The following ARHGEF10 variants were observed in gnomAD, a reference collection of about 807,000 sequenced individuals.
ARHGEF10 encodes Rho guanine nucleotide exchange factor 10.
Under a neutral mutation model 147.4 loss-of-function variants are expected in ARHGEF10, and 140 were observed. The ratio of observed to expected loss-of-function variants is 0.95; its 90% CI spans 0.83 to 1.09. The LOEUF is 1.09. ARHGEF10 is among the 50% of genes least tolerant of loss of function. The pLI is 0.00. For missense variants in ARHGEF10, 2,222 were observed against 1,752.7 expected, an observed-to-expected ratio of 1.27 and a Z score of -4.78; for synonymous variants, 902 against 695.8, an observed-to-expected ratio of 1.30 and a Z score of -4.67.
chr8:1,944,297 C>T (rs1276089754), intron 26 of ARHGEF10, among the ~76,000 whole-genome samples: 1 of 152,236 alleles, frequency 6.6e-6, no homozygotes, highest in Non-Finnish European at 1.5e-5. Flanking sequence ...AGCCTGAGGA[C>T]ACAGTCCTCT....
At chr8:1,932,715 C>G (rs147654076) in intron 25 of ARHGEF10, among the ~76,000 whole-genome samples, 51 of 152,306 alleles carry the variant, frequency 3.3e-4, no homozygotes, top group African/African-American at 1.2e-3. Context: ...AAAAGTATGC[C>G]ACAGAAGTCA....
intron 28 of ARHGEF10, among the ~76,000 whole-genome samples, chr8:1,955,294 T>G: frequency 6.9e-6 from 1 of 144,346 alleles, no homozygotes. Context: ...ACTCTCACAG[T>G]TTCTCTGGAT....
chr8:1,831,957 C>A (rs76213820), intron 1 of ARHGEF10, among the ~76,000 whole-genome samples: 1 of 152,152 alleles, frequency 6.6e-6, no homozygotes, highest in African/African-American at 2.4e-5. Context: ...GAAACCAGCA[C>A]GTTGGCAGGA....
At chr8:1,860,705 C>G (rs1367627688) in intron 4 of ARHGEF10, among the ~76,000 whole-genome samples, 1 of 152,174 alleles carries the variant, frequency 6.6e-6, no homozygotes, top group East Asian at 1.9e-4. Flanking sequence ...AACTTCACCC[C>G]GATCTCTGAT....
rs201660201 is a variant in ARHGEF10 at position 1,885,681 on chromosome 8, A to T, written c.1156A>T (p.Met386Leu). The change falls in exon 11 of 29, where the codon ATG becomes TTG. Residue 386 changes from methionine to leucine, a missense_variant. Transcript: ENST00000349830. ...CKHPEAILTP[M>L]PEGLSQQQVV... The stretch of plus-strand genomic sequence containing the variant: ...GCACCCGGAAGCCATCTTGACCCCG[A>T]TGCCCGAGGGTTTATCTCAGCAGCA... The T allele has an allele frequency of 1.2e-6, 2 of 1,613,980 alleles. No individual in the cohort carries two copies. The highest frequency in any genetic ancestry group is 4.5e-5 in the East Asian group (2 of 44,880).
At position 1,840,233 on chromosome 8, in the gene ARHGEF10, G is replaced by T. The variant is rs1399443899; in HGVS notation, c.-47-3120G>T. ...GATATGGGGACTGTCTGGTGTGGAAGCTGTCTGGTGTGGGGACTGTCCGGT... is the reference window on the plus strand; with the variant it reads ...GATATGGGGACTGTCTGGTGTGGAATCTGTCTGGTGTGGGGACTGTCCGGT... On this transcript the variant is annotated intron_variant, in intron 1 of 28. Transcript: ENST00000349830. 6.1e-5 allele frequency among the ~76,000 whole-genome samples: 8 copies of T among 130,606 alleles called. No individual in the cohort carries two copies. In the South Asian group the frequency reaches 8.3e-4, roughly 14 times the overall value. The allele number at this position is 130,606 out of a possible 152,430, so 85.7% of individuals were successfully genotyped here.
intron 8 of ARHGEF10, among the ~76,000 whole-genome samples, chr8:1,877,599 G>T (rs1057310287): frequency 6.6e-6 from 1 of 151,336 alleles, no homozygotes; most frequent in African/African-American, 2.4e-5. Context: ...AGGGTGTGAG[G>T]TGGGATGTCA....
chr8:1,923,486 G>C lies in ARHGEF10; in HGVS notation c.2278G>C (p.Ala760Pro). ...TTTGTAGAACTTAAACCAGTCAGTA[G>C]CCCATGACTGGACATCAGGTTTACA... ...GNYQNLNQSV[A>P]HDWTSGLQRL... The change falls in exon 20 of 29, where the codon GCC (alanine) becomes CCC (proline). Residue 760 changes from alanine (A) to proline (P), a missense_variant. Transcript: ENST00000349830. The C allele has an allele frequency of 6.2e-7, 1 of 1,614,074 alleles. No homozygotes were observed. Among genetic ancestry groups the C allele is most frequent in the Non-Finnish European group, 8.5e-7 (1 of 1,180,020 alleles).
intron 2 of ARHGEF10, among the ~76,000 whole-genome samples, chr8:1,855,417 T>C (rs760650095): frequency 2.0e-5 from 3 of 152,210 alleles, no homozygotes; most frequent in Non-Finnish European, 4.4e-5. Flanking sequence ...GGTGTTGCTC[T>C]GTCCCCCAGG....
chr8:1,896,350 G>A lies in ARHGEF10; in HGVS notation c.1458G>A (p.Val486=). 2 of 1,613,746 alleles carry A rather than the reference G, an allele frequency of 1.2e-6. No homozygotes were observed. Among genetic ancestry groups the A allele is most frequent in the Middle Eastern group, 1.6e-4 (1 of 6,062 alleles). ...TGTTTCAGTTTTCTAAGTCCATGGT[G>A]CTGGATGCATACAGTGAATATGTGA... ...VFVASFSKSM[V]LDAYSEYVNN... The change falls in exon 14 of 29, where the codon GTG becomes GTA. Residue 486 remains valine (V), a synonymous_variant. Coordinates refer to ENST00000349830, the MANE Select transcript of ARHGEF10 (RefSeq NM_014629.4).
intron 25 of ARHGEF10, among the ~76,000 whole-genome samples, chr8:1,932,031 C>T (rs182607008): frequency 1.3e-5 from 2 of 152,300 alleles, no homozygotes; most frequent in Non-Finnish European, 2.9e-5. Context: ...TGCCAAGCCA[C>T]ACCTGACAGC....
Position 1,926,409 on chromosome 8 carries a change from C to T in ARHGEF10, c.2643C>T (p.Tyr881=). The T allele has an allele frequency of 1.2e-6, 2 of 1,614,118 alleles. No homozygotes were observed. Among genetic ancestry groups the T allele is most frequent in the Non-Finnish European group, 1.7e-6 (2 of 1,179,996 alleles). The change falls in exon 23 of 29, where the codon TAC becomes TAT. Residue 881 remains tyrosine, a synonymous_variant. Coordinates refer to ENST00000349830, the MANE Select transcript of ARHGEF10 (RefSeq NM_014629.4). The part of the protein sequence containing the change: ...IECAAYNPEP[Y]LNNESQPDSF... ...GTGCTGCTTATAACCCTGAACCTTA[C>T]CTAAATAATGAAAGCCAGCCAGATT...
intron 26 of ARHGEF10, among the ~76,000 whole-genome samples, chr8:1,940,752 G>A (rs547120144): frequency 9.2e-5 from 14 of 152,226 alleles, no homozygotes; most frequent in African/African-American, 2.9e-4. Context: ...AATCAACAGC[G>A]TACTGAAAGG....
intron 18 of ARHGEF10, among the ~76,000 whole-genome samples, chr8:1,922,084 A>G (rs1812337346): frequency 6.6e-6 from 1 of 152,182 alleles, no homozygotes; most frequent in East Asian, 1.9e-4. Context: ...AGATGGGGGA[A>G]TCTGTCCTCT....
intron 2 of ARHGEF10, among the ~76,000 whole-genome samples, chr8:1,847,800 G>C (rs1374038061): frequency 6.6e-6 from 1 of 152,188 alleles, no homozygotes; most frequent in Non-Finnish European, 1.5e-5. Flanking sequence ...TTCAAAATAA[G>C]AGAAAATCAT....
At chr8:1,936,116 T>C (rs1305583343) in intron 26 of ARHGEF10, among the ~76,000 whole-genome samples, 5 of 90,330 alleles carry the variant, frequency 5.5e-5, no homozygotes, top group African/African-American at 2.8e-4. Flanking sequence ...CGCTGTCTTG[T>C]TTTTTACTGT....
rs1806632268 is a variant in ARHGEF10, at chr8:1,866,541, T to C, written c.561T>C (p.Gly187=). The C allele has an allele frequency of 1.2e-6, 2 of 1,611,016 alleles. No individual in the cohort carries two copies. The highest frequency in any genetic ancestry group is 1.7e-6 in the Non-Finnish European group (2 of 1,179,998). Residue 187 remains glycine, a synonymous_variant, in exon 6 of 29, where the codon GGT becomes GGC. Transcript: ENST00000349830. Reference sequence around the variant, plus strand: ...TTTCTTTAAGTGAAGATCAAGTCGGTCGAGAGGACAGCGCACTTGCCCGCT... The same window carrying C: ...TTTCTTTAAGTGAAGATCAAGTCGGCCGAGAGGACAGCGCACTTGCCCGCT... ...EEPPTSEDQV[G]REDSALARWA...
At chr8:1,824,137 T>A (rs1216434532) in intron 1 of ARHGEF10, 24 bp downstream of exon 1, 1 of 152,102 alleles carries the variant, frequency 6.6e-6, no homozygotes. Context: ...CCGCGGACCG[T>A]GGGTCCCCTC....
intron 11 of ARHGEF10, among the ~76,000 whole-genome samples, chr8:1,892,283 G>A (rs1809597325): frequency 1.0e-5 from 1 of 96,412 alleles, no homozygotes; most frequent in East Asian, 3.6e-4. Flanking sequence ...GGCTCTGTGT[G>A]TGTGTGTGTG....
Sources: allele counts gnomAD v4.1 joint callset (sites outside exome capture counted in the v4.1 genomes callset), GRCh38; gene constraint gnomAD v4.1.1; transcripts MANE v1.5; gene names NCBI Gene and HGNC (gene_info 2026-07-23, HGNC 2026-07-21).